The following ENPP2 variants were observed in gnomAD, a reference collection of about 807,000 sequenced individuals.
The protein encoded by ENPP2 is ectonucleotide pyrophosphatase/phosphodiesterase 2.
Under a neutral mutation model 120.2 loss-of-function variants are expected in ENPP2, and 51 were observed. The ratio of observed to expected loss-of-function variants is 0.42; its 90% CI spans 0.34 to 0.54. The LOEUF (loss-of-function observed/expected upper bound fraction) is 0.54, where lower values mean the gene tolerates loss of function less well. ENPP2 is among the 20% of genes least tolerant of loss of function. ENPP2 has a pLI of 0.04. For missense variants in ENPP2, 920 were observed against 1,066.5 expected, an observed-to-expected ratio of 0.86 and a Z score of 1.91; for synonymous variants, 365 against 366.4, an observed-to-expected ratio of 1.00 and a Z score of 0.04.
chr8:119,568,828 G>A (rs753160247), intron 21 of ENPP2, among the ~76,000 whole-genome samples: 3 of 152,034 alleles, frequency 2.0e-5, no homozygotes, highest in Non-Finnish European at 4.4e-5. Context: ...CGAACTCCTG[G>A]ACTCAAGCAA....
chr8:119,562,147 A>G (rs1814013906), intron 24 of ENPP2, among the ~76,000 whole-genome samples: 1 of 148,096 alleles, frequency 6.8e-6, no homozygotes, highest in Admixed American at 6.8e-5. Flanking sequence ...AAAAAAAAAA[A>G]AGTTTTCATT....
At chr8:119,599,661 T>C (rs2326305) in intron 11 of ENPP2, among the ~76,000 whole-genome samples, 61,857 of 151,736 alleles carry the variant, frequency 0.41, 12,827 homozygotes, top group South Asian at 0.54. Flanking sequence ...TTATACTGGA[T>C]ACTACCTCAC....
At chr8:119,576,487 G>A (rs1812351766) in intron 19 of ENPP2, among the ~76,000 whole-genome samples, 2 of 152,182 alleles carry the variant, frequency 1.3e-5, no homozygotes, top group Non-Finnish European at 2.9e-5. Flanking sequence ...CATTGTGTAT[G>A]ATAAGGAGCC....
intron 13 of ENPP2, among the ~76,000 whole-genome samples, chr8:119,587,391 G>A (rs1046188383): frequency 5.3e-5 from 8 of 152,244 alleles, no homozygotes; most frequent in African/African-American, 1.9e-4. Context: ...TCCCCCTAAT[G>A]GTTCCCCTTG....
intron 13 of ENPP2, among the ~76,000 whole-genome samples, chr8:119,589,245 C>CA (rs1813332924): frequency 6.6e-6 from 1 of 152,176 alleles, no homozygotes; most frequent in Non-Finnish European, 1.5e-5. Context: ...AGCAGAGGTA[C>CA]AGGGCGTCAC....
At chr8:119,610,917 A>AAAG (rs1265128437) in intron 8 of ENPP2, among the ~76,000 whole-genome samples, 1 of 151,840 alleles carries the variant, frequency 6.6e-6, no homozygotes, top group Non-Finnish European at 1.5e-5. Context: ...AAAAAAAAAA[A>AAAG]AAATACAACT....
chr8:119,572,176 C>A lies in ENPP2; in HGVS notation c.1781-1335G>T, dbSNP rs749290162. ...CTTTCCTTCAAAACTCAAACCAAAC[C>A]TTTTCTAGGTTCAAAATTTCCATTA... is the stretch of plus-strand genomic sequence containing the variant. On this transcript the variant is annotated intron_variant, in intron 19 of 24. Transcript: ENST00000075322. 7.7e-6 allele frequency: 12 copies of A among 1,550,546 alleles called. No homozygotes were observed. In the East Asian group the frequency reaches 1.7e-4, roughly 22 times the overall value.
chr8:119,563,848 T>C (rs1159129823), intron 23 of ENPP2, among the ~76,000 whole-genome samples: 1 of 151,960 alleles, frequency 6.6e-6, no homozygotes, highest in Non-Finnish European at 1.5e-5. Flanking sequence ...TTATCTGTAT[T>C]TATAAAATAG....
chr8:119,602,060 A>C (rs1047976057), intron 9 of ENPP2, among the ~76,000 whole-genome samples: 12 of 152,192 alleles, frequency 7.9e-5, no homozygotes, highest in African/African-American at 2.9e-4. Context: ...AAATAATGGT[A>C]TGACTTTAGA....
chr8:119,562,108 G>C (rs558026529), intron 24 of ENPP2, among the ~76,000 whole-genome samples: 55 of 151,294 alleles, frequency 3.6e-4, no homozygotes, highest in Admixed American at 2.1e-3. Context: ...CTGCACTCCA[G>C]CCTAGGTGAC....
rs915113353 is a variant in ENPP2, at chr8:119,666,729, G to A, written c.21+6523C>T. 1.5e-4 allele frequency among the ~76,000 whole-genome samples: 22 copies of A among 151,288 alleles called. No individual in the cohort carries two copies. In the East Asian group the frequency reaches 3.5e-3, roughly 24 times the overall value. ...CAGGAGGCGGAGGTTGTGGTGAGCCGAGATCAGGCCATTACATTCCAGCCT... is the reference window on the plus strand; with the variant it reads ...CAGGAGGCGGAGGTTGTGGTGAGCCAAGATCAGGCCATTACATTCCAGCCT... On this transcript the variant is annotated intron_variant, in intron 1 of 25. Transcript: ENST00000427067.
intron 2 of ENPP2, among the ~76,000 whole-genome samples, chr8:119,632,980 T>C (rs894065086): frequency 2.0e-5 from 3 of 152,158 alleles, no homozygotes; most frequent in African/African-American, 7.2e-5. Context: ...AGAGAATTGC[T>C]TGAGGTGGAG....
At chr8:119,663,191 C>T (rs1406788165) in intron 1 of ENPP2, among the ~76,000 whole-genome samples, 1 of 151,818 alleles carries the variant, frequency 6.6e-6, no homozygotes, top group East Asian at 1.9e-4. Flanking sequence ...GTCGTGGTTC[C>T]CACGAGATGA....
chr8:119,597,691 A>G (rs1382497156), intron 11 of ENPP2, among the ~76,000 whole-genome samples: 1 of 152,216 alleles, frequency 6.6e-6, no homozygotes, highest in East Asian at 1.9e-4. Context: ...CAGAAAAAGC[A>G]TAGAAGGTCA....
At chr8:119,616,234 C>A (rs1308848470) in intron 8 of ENPP2, 31 bp downstream of exon 8, 8 of 1,587,222 alleles carry the variant, frequency 5.0e-6, no homozygotes, top group Non-Finnish European at 6.9e-6. Context: ...AACACACAAA[C>A]ACATAGACAC....
chr8:119,624,260 A>G (rs1335418656), intron 3 of ENPP2, among the ~76,000 whole-genome samples: 1 of 152,214 alleles, frequency 6.6e-6, no homozygotes, highest in Non-Finnish European at 1.5e-5. Context: ...CACAAAGGAC[A>G]AGTCAGTCAT....
intron 1 of ENPP2, among the ~76,000 whole-genome samples, chr8:119,647,586 A>C (rs1223003426): frequency 1.3e-5 from 2 of 152,182 alleles, no homozygotes; most frequent in Non-Finnish European, 2.9e-5. Flanking sequence ...TTCCAAATAA[A>C]ATCTTAAAAT....
At chr8:119,624,471 A>G (rs1798510970) in intron 3 of ENPP2, among the ~76,000 whole-genome samples, 1 of 152,166 alleles carries the variant, frequency 6.6e-6, no homozygotes, top group Admixed American at 6.5e-5. Context: ...TTAGTAATGT[A>G]TATTTAAATT....
intron 2 of ENPP2, among the ~76,000 whole-genome samples, chr8:119,629,232 T>C (rs1317045346): frequency 1.3e-5 from 2 of 152,082 alleles, no homozygotes; most frequent in African/African-American, 4.8e-5. Context: ...GTACAAAATA[T>C]ATACCATATA....
Sources: allele counts gnomAD v4.1 joint callset (sites outside exome capture counted in the v4.1 genomes callset), GRCh38; gene constraint gnomAD v4.1.1; transcripts MANE v1.5; gene names NCBI Gene and HGNC (gene_info 2026-07-23, HGNC 2026-07-21).